Variants in CNTN5 observed in about 807,000 individuals in gnomAD.
CNTN5 encodes the protein contactin-5.
In CNTN5, 77 loss-of-function variants were observed where a neutral mutation model predicts 129.1. That is an observed-to-expected ratio of 0.60 (90% CI 0.50 to 0.72). The LOEUF (loss-of-function observed/expected upper bound fraction) is 0.72, where lower values mean the gene tolerates loss of function less well. CNTN5 is among the 30% of genes least tolerant of loss of function. The probability of loss-of-function intolerance (pLI) is 0.00; values close to 1 mark genes in which losing one functional copy is unlikely to be tolerated. For synonymous variants in CNTN5, 509 were observed against 465.6 expected (o/e 1.09, Z -1.20); for missense variants, 1,478 against 1,328.8 (o/e 1.11, Z -1.75).
At chr11:99,536,611 C>G (rs1295949930) in intron 2 of CNTN5, among the ~76,000 whole-genome samples, 1 of 151,902 alleles carries the variant, frequency 6.6e-6, no homozygotes, top group East Asian at 1.9e-4. Context: ...TCCCTCATGC[C>G]TGGGGGAGGA....
In CNTN5 at chr11:99,878,879, T is replaced by A. The variant is rs193216118; in HGVS notation, c.577+33617T>A. 3.6e-3 allele frequency among the ~76,000 whole-genome samples: 541 copies of A among 152,198 alleles called. 1 individual carries two copies. Among genetic ancestry groups the A allele is most frequent in the African/African-American group, 0.01 (431 of 41,546 alleles). ...AAAAAAAATAATTAATAATTTTTTT[T>A]AAAAAAAGATGATACTCCCAAAAGG... On this transcript the variant is annotated intron_variant, in intron 6 of 24. Coordinates refer to ENST00000524871, the MANE Select transcript of CNTN5 (RefSeq NM_014361.4).
Position 99,415,938 on chromosome 11 carries a change from G to C in CNTN5, c.-71+90454G>C, listed in dbSNP as rs188669301. 3.4e-3 allele frequency among the ~76,000 whole-genome samples: 515 copies of C among 152,236 alleles called. 14 individuals carry two copies. The highest frequency in any genetic ancestry group is 1.4e-3 in the Non-Finnish European group (98 of 68,000). On this transcript the variant is annotated intron_variant, in intron 2 of 24. Transcript: ENST00000524871. ...ATTAATTCTGCTCTTGATTTTTCCA[G>C]TGTTTATTTATTTCAAAAACCTAAG...
At chr11:100,021,493 T>G (rs1432452993) in intron 9 of CNTN5, among the ~76,000 whole-genome samples, 1 of 152,196 alleles carries the variant, frequency 6.6e-6, no homozygotes, top group Non-Finnish European at 1.5e-5. Context: ...TGAATCTCTA[T>G]TATATAGTGT....
At chr11:99,878,323 T>C (rs79783527) in intron 6 of CNTN5, among the ~76,000 whole-genome samples, 4 of 152,232 alleles carry the variant, frequency 2.6e-5, no homozygotes, top group South Asian at 2.1e-4. Flanking sequence ...ATAAAAGATA[T>C]ATAAGTTGAC....
At chr11:99,376,637 T>C (rs1397782746) in intron 2 of CNTN5, among the ~76,000 whole-genome samples, 2 of 152,306 alleles carry the variant, frequency 1.3e-5, no homozygotes, top group Non-Finnish European at 1.5e-5. Flanking sequence ...CCTGTACTTA[T>C]GCCAAATGGC....
intron 1 of CNTN5, among the ~76,000 whole-genome samples, chr11:99,146,773 G>T (rs1215621562): frequency 6.6e-6 from 1 of 151,924 alleles, no homozygotes; most frequent in Non-Finnish European, 1.5e-5. Flanking sequence ...CCAGACTAGG[G>T]TGCAGTGGCA....
chr11:99,114,885 C>T, intron 1 of CNTN5, among the ~76,000 whole-genome samples: 1 of 152,146 alleles, frequency 6.6e-6, no homozygotes, highest in South Asian at 2.1e-4. Context: ...TATGTTAAGT[C>T]TTAATGCCTA....
chr11:99,257,273 G>A (rs1015632627), intron 1 of CNTN5, among the ~76,000 whole-genome samples: 8 of 152,138 alleles, frequency 5.3e-5, no homozygotes, highest in African/African-American at 1.9e-4. Context: ...GGAAGGAAGG[G>A]TAGGTCAAAT....
At chr11:99,387,134 G>T (rs901784994) in intron 2 of CNTN5, among the ~76,000 whole-genome samples, 3 of 152,088 alleles carry the variant, frequency 2.0e-5, no homozygotes, top group African/African-American at 7.2e-5. Flanking sequence ...TAGCAGGGAG[G>T]TTAATTAATA....
intron 3 of CNTN5, among the ~76,000 whole-genome samples, chr11:99,728,805 A>G (rs1216208190): frequency 6.6e-6 from 1 of 152,178 alleles, no homozygotes; most frequent in African/African-American, 2.4e-5. Flanking sequence ...AAAAACAGTC[A>G]GCAGTCACTG....
chr11:99,292,933 G>T (rs1360318165), intron 1 of CNTN5, among the ~76,000 whole-genome samples: 2 of 152,112 alleles, frequency 1.3e-5, no homozygotes, highest in African/African-American at 4.8e-5. Flanking sequence ...TCATGTATAA[G>T]GCTGGCTGCA....
At chr11:99,649,679 G>T (rs961734161) in intron 3 of CNTN5, among the ~76,000 whole-genome samples, 4 of 151,822 alleles carry the variant, frequency 2.6e-5, no homozygotes, top group African/African-American at 9.6e-5. Flanking sequence ...AAATTATCTG[G>T]AGAGAAATTT....
chr11:99,805,899 C>T (rs1483099938), intron 3 of CNTN5, among the ~76,000 whole-genome samples: 1 of 152,084 alleles, frequency 6.6e-6, no homozygotes, highest in Non-Finnish European at 1.5e-5. Flanking sequence ...AAATTGTAAC[C>T]ACAGTACAGT....
At chr11:99,824,714 G>C (rs1036378379) in intron 4 of CNTN5, among the ~76,000 whole-genome samples, 5 of 151,298 alleles carry the variant, frequency 3.3e-5, no homozygotes, top group African/African-American at 1.2e-4. Context: ...TCATATTTAG[G>C]TGTTTAAACC....
Position 99,342,489 on chromosome 11 carries a change from C to G in CNTN5, c.-71+17005C>G, listed in dbSNP as rs567918880. Among the ~76,000 whole-genome samples, 5 of 143,630 alleles carry G rather than the reference C, an allele frequency of 3.5e-5. No homozygotes were observed. In the South Asian group the frequency reaches 1.1e-3, roughly 31 times the overall value. The allele number at this position is 143,630 out of a possible 152,430, so 94.2% of individuals were successfully genotyped here. On this transcript the variant is annotated intron_variant, in intron 2 of 24. Transcript: ENST00000524871. ...GTGACTCATGCCCGTAATCCCAACA[C>G]TTTGGGAGGCCGAGGTTGGTGGATC...
rs957336463 is a variant in CNTN5 at position 99,386,564 on chromosome 11, C to T, written c.-71+61080C>T. 5.3e-5 allele frequency among the ~76,000 whole-genome samples: 8 copies of T among 151,942 alleles called. No homozygotes were observed. The East Asian group carries it at 7.7e-4, about 15-fold the overall frequency. ...CATCTTGGTTTCGGTGGGTTTTAGCCGGCTTCTTTAATGCAACCTGTTTTA... is the reference window on the plus strand; with the variant it reads ...CATCTTGGTTTCGGTGGGTTTTAGCTGGCTTCTTTAATGCAACCTGTTTTA... On this transcript the variant is annotated intron_variant, in intron 2 of 24. Coordinates refer to ENST00000524871, the MANE Select transcript of CNTN5 (RefSeq NM_014361.4).
intron 13 of CNTN5, among the ~76,000 whole-genome samples, chr11:100,098,708 A>C (rs1945107259): frequency 6.6e-6 from 1 of 152,014 alleles, no homozygotes; most frequent in African/African-American, 2.4e-5. Flanking sequence ...GGGCCAGCAA[A>C]ATGGTTATTC....
intron 5 of CNTN5, 48 bp downstream of exon 5, chr11:99,845,023 A>T (rs756645093): frequency 6.2e-7 from 1 of 1,609,460 alleles, no homozygotes; most frequent in East Asian, 2.2e-5. Flanking sequence ...AAAACTTTCC[A>T]TCAATGATAT....
intron 3 of CNTN5, among the ~76,000 whole-genome samples, chr11:99,665,613 A>G (rs1183972800): frequency 6.6e-6 from 1 of 150,410 alleles, no homozygotes; most frequent in Non-Finnish European, 1.5e-5. Flanking sequence ...CAGCCTCCCA[A>G]GTGGCTGGGT....
Sources: gnomAD v4.1 joint callset for allele counts (sites outside exome capture counted in the v4.1 genomes callset) on GRCh38, gnomAD v4.1.1 for gene constraint, MANE v1.5 for transcripts, NCBI Gene and HGNC (gene_info 2026-07-23, HGNC 2026-07-21) for gene names.